The following GGT1 variants were observed in gnomAD, a reference collection of about 807,000 sequenced individuals.
The protein encoded by GGT1 is gamma-glutamyltransferase 1, also known as glutathione hydrolase 1 proenzyme.
Under a neutral mutation model 56.0 loss-of-function variants are expected in GGT1, and 21 were observed. The observed-to-expected ratio is 0.38, with a 90% CI of 0.27 to 0.54. The LOEUF (loss-of-function observed/expected upper bound fraction) is 0.54. Among genes scored for constraint, GGT1 ranks in the 20% least tolerant of loss-of-function variants. The pLI is 0.82. For synonymous variants in GGT1, 238 were observed against 342.6 expected (o/e 0.69, Z 3.37); for missense variants, 466 against 787.0 (o/e 0.59, Z 4.88).
the GGT1 span, among the ~76,000 whole-genome samples, chr22:24,587,603 G>A: frequency 1.3e-5 from 2 of 152,212 alleles, no homozygotes; most frequent in East Asian, 3.9e-4. Flanking sequence ...CCTGTGGCCA[G>A]CTCTGGACTG....
At chr22:24,593,042 C>G, upstream of GGT1, 1 of 1,044,108 alleles carries the variant, frequency 9.6e-7, no homozygotes, top group Non-Finnish European at 1.2e-6. Context: ...GCCCCCATGG[C>G]CGCCGCGCGA....
At chr22:24,626,148 G>A (rs140024999) in intron 11 of GGT1, among the ~76,000 whole-genome samples, 4,479 of 146,188 alleles carry the variant, frequency 0.031, 265 homozygotes, top group African/African-American at 0.11. Flanking sequence ...GCCCACCACC[G>A]CGCCCAGCTA....
At chr22:24,585,330 G>C in the GGT1 span, among the ~76,000 whole-genome samples, 1 of 152,330 alleles carries the variant, frequency 6.6e-6, no homozygotes, top group Non-Finnish European at 1.5e-5. Flanking sequence ...GCTCCATGTA[G>C]AGCTTTGCTC....
At chr22:24,597,982 G>A (rs1048772760) in intron 1 of GGT1, 3 of 152,198 alleles carry the variant, frequency 2.0e-5, no homozygotes, top group African/African-American at 7.2e-5. Context: ...CTTCTAGTTG[G>A]GGTTCCAAGG....
chr22:24,618,027 G>A (rs1389608108), intron 7 of GGT1, among the ~76,000 whole-genome samples: 1 of 152,144 alleles, frequency 6.6e-6, no homozygotes, highest in Non-Finnish European at 1.5e-5. Context: ...TGGCAAGTGT[G>A]CTGGCATGAG....
chr22:24,611,562 CTATCT>C, intron 5 of GGT1, among the ~76,000 whole-genome samples: 1 of 148,122 alleles, frequency 6.8e-6, no homozygotes, highest in African/African-American at 2.5e-5. Context: ...ATCTATCTAT[CTATCT>C]ATCTATCTAT....
upstream of GGT1, among the ~76,000 whole-genome samples, chr22:24,590,630 C>G (rs1441878617): frequency 6.6e-6 from 1 of 152,104 alleles, no homozygotes; most frequent in African/African-American, 2.4e-5. Context: ...TTCCCCTGTC[C>G]CCCAGTGTTC....
At chr22:24,592,934 G>A (rs1386917271), upstream of GGT1, 43 of 1,239,240 alleles carry the variant, frequency 3.5e-5, no homozygotes, top group Non-Finnish European at 4.0e-5. Context: ...TGGATCTCGC[G>A]GAGCCACCGC....
intron 7 of GGT1, among the ~76,000 whole-genome samples, chr22:24,616,543 CT>C (rs891512187): frequency 7.0e-5 from 10 of 143,498 alleles, no homozygotes; most frequent in African/African-American, 1.3e-4. Flanking sequence ...TGACTTTTTT[CT>C]TTTTTTTTTC....
upstream of GGT1, among the ~76,000 whole-genome samples, chr22:24,601,815 C>T (rs371407876): frequency 1.3e-3 from 193 of 152,358 alleles, no homozygotes; most frequent in African/African-American, 4.3e-3. Context: ...TGGCTGGAGG[C>T]CAGCTTGGCC....
chr22:24,605,801 A>G (rs1226910062), intron 1 of GGT1, among the ~76,000 whole-genome samples: 1 of 71,874 alleles, frequency 1.4e-5, no homozygotes, highest in East Asian at 3.7e-4. Flanking sequence ...ATAATATATG[A>G]TGTGTATTAT....
the GGT1 span, chr22:24,586,096 C>G: frequency 6.2e-7 from 1 of 1,612,690 alleles, no homozygotes; most frequent in South Asian, 1.1e-5. Context: ...CGTTGTTGCC[C>G]AGGTCCACCC....
intron 9 of GGT1, among the ~76,000 whole-genome samples, chr22:24,622,327 G>A (rs2047472558): frequency 6.6e-6 from 1 of 152,202 alleles, no homozygotes. Context: ...CACTTTGAGA[G>A]GCCGAGGCGT....
chr22:24,601,210 G>A (rs9624506), upstream of GGT1, among the ~76,000 whole-genome samples: 5 of 135,934 alleles, frequency 3.7e-5, no homozygotes, highest in East Asian at 9.1e-4. Flanking sequence ...CATCTGGACC[G>A]ATCCGCATTG....
the GGT1 span, among the ~76,000 whole-genome samples, chr22:24,587,586 C>T: frequency 2.6e-5 from 4 of 152,270 alleles, no homozygotes; most frequent in South Asian, 8.3e-4. Context: ...GCCTCTGGGC[C>T]TGGGTGCCTG....
rs376752648 is a variant in GGT1 at position 24,627,491 on chromosome 22, C to T, written c.1080C>T (p.Asp360=). ...CCCAGCTCCGGGCCCAGATCTCTGA[C>T]GACACCACTCACCCGATCTCCTACT... ...FAAQLRAQIS[D]DTTHPISYYK... The change falls in exon 12 of 16, where the codon GAC becomes GAT. Residue 360 remains aspartate (D), a synonymous_variant. Transcript: ENST00000400382. 3.8e-5 allele frequency: 62 copies of T among 1,611,076 alleles called. No individual in the cohort carries two copies. Among genetic ancestry groups the T allele is most frequent in the Non-Finnish European group, 5.0e-5 (59 of 1,179,676 alleles).
chr22:24,623,897 A>G lies in GGT1; in HGVS notation c.1001A>G (p.Lys334Arg), dbSNP rs1343715184. 8.1e-6 allele frequency: 13 copies of G among 1,611,226 alleles called. No individual in the cohort carries two copies. The South Asian group carries it at 1.2e-4, about 15-fold the overall frequency. ...AAGAGGACCCTGCTTGGGGACCCCAAGTTTGTGGATGTGACTGAGGTAAGG... is the reference window on the plus strand; with the variant it reads ...AAGAGGACCCTGCTTGGGGACCCCAGGTTTGTGGATGTGACTGAGGTAAGG... ...YAKRTLLGDP[K>R]FVDVTEVVRN... The change falls in exon 11 of 16, where the codon AAG becomes AGG. Residue 334 changes from lysine to arginine, a missense_variant. Physicochemically the swap from Lys to Arg is conservative, Grantham distance 26 (BLOSUM62 2). Coordinates refer to ENST00000400382, the MANE Select transcript of GGT1 (RefSeq NM_001288833.2).
At chr22:24,624,140 A>G in intron 11 of GGT1, 1 of 985,226 alleles carries the variant, frequency 1.0e-6, no homozygotes, top group Non-Finnish European at 1.2e-6. Context: ...CCACCCTCCT[A>G]CCTCAGGTCC....
intron 9 of GGT1, among the ~76,000 whole-genome samples, chr22:24,621,934 C>G (rs1281506306): frequency 1.3e-5 from 2 of 151,804 alleles, no homozygotes; most frequent in African/African-American, 4.8e-5. Context: ...CCTGTAATCC[C>G]AGCTACTTGG....
Sources: allele counts gnomAD v4.1 joint callset (sites outside exome capture counted in the v4.1 genomes callset), GRCh38; gene constraint gnomAD v4.1.1; transcripts MANE v1.5; gene names NCBI Gene and HGNC (gene_info 2026-07-23, HGNC 2026-07-21).